MYH11: variants seen among roughly 807,000 people sequenced by gnomAD.
The protein encoded by MYH11 is myosin heavy chain 11.
MYH11 carries 80 observed loss-of-function variants against 246.6 expected under a neutral mutation model. That is an observed-to-expected ratio of 0.32 (90% CI 0.27 to 0.39). The LOEUF is 0.39. MYH11 is among the 10% of genes least tolerant of loss of function. The pLI is 1.00. For missense variants in MYH11, 2,158 were observed against 2,546.8 expected (o/e 0.85, Z 3.29); for synonymous variants, 1,071 against 1,015.5 (o/e 1.05, Z -1.04).
chr16:15,750,067 C>T lies in MYH11; in HGVS notation c.2058+71G>A. ...GGGGTAGGTGGGGGCAGAGGGCGCC[C>T]TGGGGACGCTGTGACCGCTTGGGAC... On this transcript the variant is annotated intron_variant, in intron 16 of 40. Coordinates refer to ENST00000300036, the MANE Select transcript of MYH11 (RefSeq NM_002474.3). This position sits in a 1 kb window ranked among gnomAD's most constrained non-coding sequence, Gnocchi z 4.3. 1 of 1,593,192 alleles carries T rather than the reference C, an allele frequency of 6.3e-7. No homozygotes were observed. Among genetic ancestry groups the T allele is most frequent in the Non-Finnish European group, 8.6e-7 (1 of 1,164,956 alleles).
rs768807804 is a variant in MYH11 at position 15,776,149 on chromosome 16, C to T, written c.818G>A (p.Arg273His). ...GAATGTCCTCTCGTCTCTGGCTTGG[C>T]GAATTGCCCGTGATTTTTCTAGCAG... ...TYLLEKSRAI[R>H]QARDERTFHI... Residue 273 changes from arginine to histidine, a missense_variant, in exon 8 of 41, where the codon CGC becomes CAC. Physicochemically the swap from Arg to His is conservative, Grantham distance 29. Around this residue, in one of 11 missense-constraint regions of MYH11, gnomAD observed 123 missense variants for 207.1 expected, o/e 0.59. Coordinates refer to ENST00000300036, the MANE Select transcript of MYH11 (RefSeq NM_002474.3). The T allele has an allele frequency of 2.5e-6, 4 of 1,613,954 alleles. No homozygotes were observed. Among genetic ancestry groups the T allele is most frequent in the East Asian group, 2.2e-5 (1 of 44,878 alleles).
rs2041522956 is a variant in MYH11 at position 15,750,056 on chromosome 16, C to A, written c.2058+82G>T. The stretch of plus-strand genomic sequence containing the variant: ...ATGGGGTCCTCGGGGTAGGTGGGGG[C>A]AGAGGGCGCCCTGGGGACGCTGTGA... On this transcript the variant is annotated intron_variant, in intron 16 of 40. Coordinates refer to ENST00000300036, the MANE Select transcript of MYH11 (RefSeq NM_002474.3). The surrounding 1 kb of genome is among the most constrained non-coding windows in gnomAD (Gnocchi z 4.3). The A allele has an allele frequency of 6.4e-7, 1 of 1,556,218 alleles. No homozygotes were observed. The highest frequency in any genetic ancestry group is 1.4e-5 in the African/African-American group (1 of 73,858).
intron 40 of MYH11, 80 bp from the exon 41 acceptor site, chr16:15,704,203 C>G: frequency 6.4e-7 from 1 of 1,567,664 alleles, no homozygotes; most frequent in Non-Finnish European, 8.7e-7. Context: ...CTATTTTAAA[C>G]TTGTAGCTAT....
At chr16:15,719,389 C>A (rs543559509) in intron 35 of MYH11, 81 bp from the exon 36 acceptor site, 1 of 1,517,682 alleles carries the variant, frequency 6.6e-7, no homozygotes, top group Non-Finnish European at 9.0e-7. Context: ...ACTCAGCCAC[C>A]CTTGAAAGTA....
At chr16:15,824,384 C>T (rs1471078218) in intron 2 of MYH11, among the ~76,000 whole-genome samples, 2 of 151,698 alleles carry the variant, frequency 1.3e-5, no homozygotes, top group Non-Finnish European at 2.9e-5. Context: ...CTTAAGTGAT[C>T]CTCTCGCCTC....
intron 3 of MYH11, among the ~76,000 whole-genome samples, chr16:15,822,888 C>T (rs896503468): frequency 2.6e-5 from 4 of 152,218 alleles, no homozygotes; most frequent in African/African-American, 4.8e-5. Context: ...AGATATTTAC[C>T]CACAGTCCCA....
At chr16:15,725,132 GA>G in intron 28 of MYH11, 140 bp from the exon 29 acceptor site, 2 of 579,584 alleles carry the variant, frequency 3.5e-6, no homozygotes, top group Non-Finnish European at 6.0e-6. Context: ...ATGGGACTCT[GA>G]TAAAAAAAAA....
chr16:15,814,994 T>G (rs916261896), intron 3 of MYH11, among the ~76,000 whole-genome samples: 2 of 152,234 alleles, frequency 1.3e-5, no homozygotes, highest in African/African-American at 2.4e-5. Context: ...TAGACAAATC[T>G]TTAACCTCCA....
chr16:15,757,761 G>A (rs1323590072), intron 13 of MYH11, 66 bp downstream of exon 13: 30 of 1,604,502 alleles, frequency 1.9e-5, no homozygotes, highest in Admixed American at 6.7e-5. Context: ...GGTCCACGTC[G>A]GCTCCACAGA....
chr16:15,737,603 C>T lies in MYH11; in HGVS notation c.3139G>A (p.Glu1047Lys). The change falls in exon 25 of 41, where the codon GAG becomes AAG. Residue 1047 changes from glutamate (E) to lysine (K), a missense_variant. Physicochemically the swap from Glu to Lys is moderately conservative, Grantham distance 56. Coordinates refer to ENST00000300036, the MANE Select transcript of MYH11 (RefSeq NM_002474.3). ...SELEVRLKKE[E>K]KSRQELEKLK... ...TTCTCCAGCTCCTGTCGGCTCTTCTCTTCCTTCTTTAGCCGCACTGCAAAA... is the reference window on the plus strand; with the variant it reads ...TTCTCCAGCTCCTGTCGGCTCTTCTTTTCCTTCTTTAGCCGCACTGCAAAA... The T allele has an allele frequency of 6.2e-7, 1 of 1,613,222 alleles. No individual in the cohort carries two copies.
chr16:15,748,217 C>T (rs201707936), intron 16 of MYH11, 49 bp from the exon 17 acceptor site: 259 of 1,609,570 alleles, frequency 1.6e-4, no homozygotes, highest in Non-Finnish European at 2.1e-4. Context: ...GAAACCATGG[C>T]GCAGCAAAGC....
chr16:15,851,309 C>T (rs2044322632), intron 1 of MYH11, among the ~76,000 whole-genome samples: 1 of 152,132 alleles, frequency 6.6e-6, no homozygotes. Context: ...ATAACAGCCA[C>T]TGTATTTATT....
intron 1 of MYH11, among the ~76,000 whole-genome samples, chr16:15,841,602 C>A (rs1197846837): frequency 6.6e-6 from 1 of 152,184 alleles, no homozygotes; most frequent in Non-Finnish European, 1.5e-5. Flanking sequence ...ACATGGGAAG[C>A]CCATGGATGG....
intron 5 of MYH11, chr16:15,784,779 A>G (rs897491670): frequency 2.5e-6 from 4 of 1,596,236 alleles, no homozygotes; most frequent in Non-Finnish European, 2.6e-6. Context: ...CATGGACATC[A>G]GGGGCTGGAG....
chr16:15,778,368 G>C (rs912725564), intron 7 of MYH11, among the ~76,000 whole-genome samples: 1 of 152,202 alleles, frequency 6.6e-6, no homozygotes, highest in Non-Finnish European at 1.5e-5. Flanking sequence ...TCATACGATA[G>C]ACACTACGTA....
chr16:15,736,401 C>G (rs2041118721), intron 25 of MYH11, among the ~76,000 whole-genome samples: 2 of 152,150 alleles, frequency 1.3e-5, no homozygotes, highest in Admixed American at 1.3e-4. Flanking sequence ...ATCTCAGCCT[C>G]CTGAGTAGCT....
At chr16:15,852,816 C>A (rs151156815) in intron 1 of MYH11, among the ~76,000 whole-genome samples, 2 of 152,146 alleles carry the variant, frequency 1.3e-5, no homozygotes, top group South Asian at 4.1e-4. Context: ...CTAAGCCTAT[C>A]GGGGTCTTGA....
rs571517980 is a variant in MYH11, at chr16:15,719,230, G to T, written c.5161C>A (p.Leu1721Met). 5 of 1,613,698 alleles carry T rather than the reference G, an allele frequency of 3.1e-6. No individual in the cohort carries two copies. In the East Asian group the frequency reaches 1.1e-4, roughly 36 times the overall value. Residue 1721 changes from leucine (L) to methionine (M), a missense_variant, in exon 36 of 41, where the codon CTG (leucine) becomes ATG (methionine). Physicochemically the swap from Leu to Met is conservative, Grantham distance 15 (BLOSUM62 2). Transcript: ENST00000300036. ...CATTCAGTTTCCTACCTTCCCGACA[G>T]GCTACTGGCCAGCTCCTCTGCCAGT... ...EELAEELASS[L>M]SGRNALQDEK...
In MYH11 at chr16:15,727,023, G is replaced by A. The variant is rs755810220; in HGVS notation, c.3683C>T (p.Thr1228Met). 1.2e-5 allele frequency: 19 copies of A among 1,611,724 alleles called. No homozygotes were observed. Among genetic ancestry groups the A allele is most frequent in the South Asian group, 2.2e-5 (2 of 90,844 alleles). ...CAGGTCTGCGTTCTCTTTCTCCAGC[G>A]TCTGCTTATTCTTGTCTAGGTTCGC... is the stretch of plus-strand genomic sequence containing the variant. ...AKANLDKNKQ[T>M]LEKENADLAG... Residue 1228 changes from threonine (T) to methionine (M), a missense_variant, in exon 28 of 41, where the codon ACG (threonine) becomes ATG (methionine). Physicochemically the swap from Thr to Met is moderately conservative, Grantham distance 81 (BLOSUM62 -1). Around this residue, in one of 11 missense-constraint regions of MYH11, gnomAD observed 1,013 missense variants for 993.5 expected, o/e 1.02. Transcript: ENST00000300036.
Sources: allele counts gnomAD v4.1 joint callset (sites outside exome capture counted in the v4.1 genomes callset), GRCh38; gene constraint gnomAD v4.1.1; regional missense constraint gnomAD v4.1.1; non-coding constraint Gnocchi (gnomAD v3.1); transcripts MANE v1.5; gene names NCBI Gene and HGNC (gene_info 2026-07-23, HGNC 2026-07-21).